NOP53: variants seen among roughly 807,000 people sequenced by gnomAD.
NOP53 encodes NOP53 ribosome biogenesis factor.
Under a neutral mutation model 61.0 loss-of-function variants are expected in NOP53, and 40 were observed. That is an observed-to-expected ratio of 0.66 (90% CI 0.51 to 0.85). The LOEUF is 0.85. Ranked by LOEUF, NOP53 falls within the 40% of genes least tolerant of loss-of-function variation. The pLI is 0.00. For missense variants in NOP53, 689 were observed against 652.9 expected, an observed-to-expected ratio of 1.06 and a Z score of -0.60; for synonymous variants, 308 against 289.5, an observed-to-expected ratio of 1.06 and a Z score of -0.65.
intron 11 of NOP53, 40 bp from the exon 12 acceptor site, chr19:47,756,648 T>C: frequency 1.2e-6 from 2 of 1,613,392 alleles, no homozygotes; most frequent in Non-Finnish European, 1.7e-6. Context: ...GCATCTGGGA[T>C]TGGCCCCGGG....
At chr19:47,748,671 G>T (rs1381413762) in intron 2 of NOP53, among the ~76,000 whole-genome samples, 1 of 152,066 alleles carries the variant, frequency 6.6e-6, no homozygotes, top group African/African-American at 2.4e-5. Context: ...AGGTGGGGCG[G>T]ATCACTTGAG....
intron 1 of NOP53, chr19:47,746,064 C>T (rs1292327284): frequency 6.4e-6 from 3 of 472,298 alleles, no homozygotes; most frequent in East Asian, 7.0e-5. Context: ...TAAATACGTT[C>T]CATGCATCCA....
At chr19:47,755,992 G>A in intron 10 of NOP53, 170 bp downstream of exon 10, 2 of 606,678 alleles carry the variant, frequency 3.3e-6, no homozygotes, top group Non-Finnish European at 2.9e-6. Flanking sequence ...CCCAGGGTGA[G>A]GGGCCAGGCT....
intron 2 of NOP53, among the ~76,000 whole-genome samples, chr19:47,747,750 C>T (rs1010883951): frequency 1.7e-4 from 25 of 149,734 alleles, no homozygotes; most frequent in Admixed American, 1.5e-3. Context: ...ACCATCAAGC[C>T]TGGCTAATTT....
At position 47,750,898 on chromosome 19, in the gene NOP53, C is replaced by A; in HGVS notation, c.399-10C>A. ...CACCTGCTGCACTTGTGCCCCCTCTCCCCGACCAGCGTCCTCGCCCACCAG... is the reference window on the plus strand; with the variant it reads ...CACCTGCTGCACTTGTGCCCCCTCTACCCGACCAGCGTCCTCGCCCACCAG... On this transcript the variant is annotated splice_polypyrimidine_tract_variant and intron_variant, in intron 3 of 12. Transcript: ENST00000246802. 1 of 1,574,444 alleles carries A rather than the reference C, an allele frequency of 6.4e-7. No homozygotes were observed. Among genetic ancestry groups the A allele is most frequent in the Non-Finnish European group, 8.6e-7 (1 of 1,161,302 alleles).
intron 6 of NOP53, 85 bp downstream of exon 6, chr19:47,752,692 C>A: frequency 1.2e-6 from 1 of 856,654 alleles, no homozygotes; most frequent in Non-Finnish European, 2.0e-6. Flanking sequence ...GTGCTGGGAA[C>A]TCCAATGACC....
chr19:47,752,831 A>T (rs1967141445), intron 6 of NOP53: 10 of 528,914 alleles, frequency 1.9e-5, no homozygotes, highest in Non-Finnish European at 3.4e-5. Flanking sequence ...CTGGGGGGTC[A>T]GGAAGGGCTC....
rs372860499 is a variant in NOP53 at position 47,756,516 on chromosome 19, T to G, written c.1297-12T>G. ...GCCAGGCCCTGCTGAGGCCTCCCTC[T>G]CTGTCCTGTAGCCCGAGGGCAACAT... On this transcript the variant is annotated splice_polypyrimidine_tract_variant and intron_variant, in intron 10 of 12. Transcript: ENST00000246802. 4.3e-6 allele frequency: 7 copies of G among 1,612,370 alleles called. No individual in the cohort carries two copies. Among genetic ancestry groups the G allele is most frequent in the Non-Finnish European group, 5.9e-6 (7 of 1,178,816 alleles).
At chr19:47,751,499 C>T in intron 4 of NOP53, 21 bp from the exon 5 acceptor site, 2 of 1,604,862 alleles carry the variant, frequency 1.2e-6, no homozygotes, top group Non-Finnish European at 1.7e-6. Context: ...GTCCCAGCAG[C>T]TCCCCTCGCT....
Position 47,745,573 on chromosome 19 carries a change from G to A in NOP53, c.14G>A (p.Gly5Asp), listed in dbSNP as rs971089200. 3 of 1,613,640 alleles carry A rather than the reference G, an allele frequency of 1.9e-6. No homozygotes were observed. The highest frequency in any genetic ancestry group is 1.7e-5 in the Admixed American group (1 of 60,004). MAAG[G>D]SGVGGKRSSK... is the part of the protein sequence containing the mutation. ...TCCTTTGACAAGATGGCGGCAGGAG[G>A]CAGTGGCGTTGGTGGGAAGCGCAGC... The change falls in exon 1 of 13, where the codon GGC becomes GAC. Residue 5 changes from glycine to aspartate, a missense_variant. Gly to Asp is a moderately conservative substitution (Grantham distance 94). Transcript: ENST00000246802.
Position 47,750,158 on chromosome 19 carries a change from G to C in NOP53, c.290-20G>C, listed in dbSNP as rs752987742. On this transcript the variant is annotated intron_variant, in intron 2 of 12. Transcript: ENST00000246802. ...GTGGGTAGGGCTGAGGCCTTGACTT[G>C]TTCTCTTTCCCATTCTTAGGGCTGA... 1.0e-5 allele frequency: 16 copies of C among 1,527,226 alleles called. No homozygotes were observed. In the South Asian group the frequency reaches 1.8e-4, roughly 17 times the overall value. The allele number at this position is 1,527,226 out of a possible 1,614,324, so 94.6% of individuals were successfully genotyped here.
rs1166624231 is a variant in NOP53, at chr19:47,754,655, CCT to C, written c.870+26_870+27del. ...AGGTGAGCCCCGCACCTGCCCACTC[CCT>C]CCCCTCCCCGGGCCTCCTACCCACC... On this transcript the variant is annotated intron_variant, in intron 7 of 12. Transcript: ENST00000246802. The surrounding 1 kb of genome is among the most constrained non-coding windows in gnomAD (Gnocchi z 4.2). 6.5e-7 allele frequency: 1 copy of C among 1,543,468 alleles called. No homozygotes were observed. The highest frequency in any genetic ancestry group is 8.8e-7 in the Non-Finnish European group (1 of 1,142,458).
Position 47,754,970 on chromosome 19 carries a change from G to T in NOP53, c.1053+79G>T. ...TTCCTCCCACCATGGGCTGCCCTGG[G>T]TGCTGCGGGCAGCCTGCACACCCCA... is the stretch of plus-strand genomic sequence containing the variant. On this transcript the variant is annotated intron_variant, in intron 8 of 12. Transcript: ENST00000246802. The surrounding 1 kb of genome is among the most constrained non-coding windows in gnomAD (Gnocchi z 4.2). 1 of 1,338,064 alleles carries T rather than the reference G, an allele frequency of 7.5e-7. No individual in the cohort carries two copies. The highest frequency in any genetic ancestry group is 9.9e-7 in the Non-Finnish European group (1 of 1,011,614). 82.9% of individuals were successfully genotyped at this position (1,338,064 alleles called of 1,614,324 possible). A position where few individuals can be genotyped will look rare whatever the true frequency, so the allele number is the denominator to read the frequency against.
intron 3 of NOP53, among the ~76,000 whole-genome samples, 192 bp downstream of exon 3, chr19:47,750,478 T>G (rs1358344221): frequency 6.6e-6 from 1 of 151,890 alleles, no homozygotes; most frequent in Non-Finnish European, 1.5e-5. Context: ...AGGAGGGGCC[T>G]GGACCCAGCT....
At chr19:47,755,953 G>A in intron 10 of NOP53, 131 bp downstream of exon 10, 1 of 691,076 alleles carries the variant, frequency 1.4e-6, no homozygotes. Flanking sequence ...ATGCCCAGGG[G>A]CTGAGGGCAC....
chr19:47,756,427 G>A (rs1209201361), intron 10 of NOP53, 101 bp from the exon 11 acceptor site: 2 of 882,976 alleles, frequency 2.3e-6, no homozygotes, highest in South Asian at 1.5e-5. Context: ...CTGCCCTGGG[G>A]GGAGACTGCA....
intron 3 of NOP53, 87 bp from the exon 4 acceptor site, chr19:47,750,821 G>A: frequency 8.8e-7 from 1 of 1,133,186 alleles, no homozygotes; most frequent in East Asian, 2.6e-5. Flanking sequence ...TGCCTTAATG[G>A]TGGAGGAAGC....
rs775269032 is a variant in NOP53, at chr19:47,756,755, C to T, written c.1430+11C>T. The stretch of plus-strand genomic sequence containing the variant: ...GTTCCGTGAGATCCAGTGAGTCCAC[C>T]CGGCTTCGGCGCAAGGAAGGGAGCC... On this transcript the variant is annotated intron_variant, in intron 12 of 12. Transcript: ENST00000246802. The T allele has an allele frequency of 6.2e-7, 1 of 1,612,750 alleles. No individual in the cohort carries two copies. Among genetic ancestry groups the T allele is most frequent in the African/African-American group, 1.3e-5 (1 of 74,920 alleles).
chr19:47,756,829 TGTGGCTA>T (rs779604970), intron 12 of NOP53, 85 bp downstream of exon 12: 408 of 1,519,724 alleles, frequency 2.7e-4, no homozygotes, highest in Non-Finnish European at 3.6e-4. Context: ...CCTTCCAGAG[TGTGGCTA>T]GTGGCTGAGC....
Sources: gnomAD v4.1 joint callset for allele counts (sites outside exome capture counted in the v4.1 genomes callset) on GRCh38, gnomAD v4.1.1 for gene constraint, Gnocchi (gnomAD v3.1) non-coding constraint, MANE v1.5 for transcripts, NCBI Gene and HGNC (gene_info 2026-07-23, HGNC 2026-07-21) for gene names.